Variants in CSNK1G3 observed in about 807,000 individuals in gnomAD.
The protein encoded by CSNK1G3 is casein kinase I isoform gamma-3.
CSNK1G3 carries 23 observed loss-of-function variants against 64.3 expected under a neutral mutation model. The ratio of observed to expected loss-of-function variants is 0.36; its 90% CI spans 0.26 to 0.51. The LOEUF (loss-of-function observed/expected upper bound fraction) is 0.51, where lower values mean the gene tolerates loss of function less well. Among genes scored for constraint, CSNK1G3 ranks in the 20% least tolerant of loss-of-function variants. The pLI is 0.96. For synonymous variants in CSNK1G3, 158 were observed against 162.2 expected, an observed-to-expected ratio of 0.97 and a Z score of 0.20; for missense variants, 357 against 510.5, an observed-to-expected ratio of 0.70 and a Z score of 2.90.
chr5:123,608,845 G>T (rs553872863), intron 12 of CSNK1G3, among the ~76,000 whole-genome samples: 2 of 152,268 alleles, frequency 1.3e-5, no homozygotes, highest in South Asian at 2.1e-4. Flanking sequence ...AGCAGCCAGG[G>T]TTAAGGATCA....
At position 123,577,528 on chromosome 5, in the gene CSNK1G3, T is replaced by C. The variant is rs538190885; in HGVS notation, c.673+1565T>C. On this transcript the variant is annotated intron_variant, in intron 6 of 12. Transcript: ENST00000345990. The stretch of plus-strand genomic sequence containing the variant: ...TATTTCCCTTTTCTATATTTGTAAT[T>C]CCATCCCTTTTCCATATTTGTATCT... 2.1e-4 allele frequency among the ~76,000 whole-genome samples: 32 copies of C among 149,438 alleles called. 1 individual carries two copies. The highest frequency in any genetic ancestry group is 3.1e-4 in the Non-Finnish European group (21 of 67,254).
chr5:123,535,855 C>G (rs1028178787), intron 1 of CSNK1G3, among the ~76,000 whole-genome samples: 2 of 152,092 alleles, frequency 1.3e-5, no homozygotes, highest in African/African-American at 4.8e-5. Context: ...CTTCTTTCTG[C>G]CTCTCTCTCC....
At chr5:123,553,108 G>T in exon 3 of CSNK1G3, 1 of 1,385,778 alleles carries the variant, frequency 7.2e-7, no homozygotes, top group Non-Finnish European at 9.7e-7. Flanking sequence ...TTTTTCAAGG[G>T]AAAAATTTAT....
chr5:123,518,891 C>T (rs897998148), intron 1 of CSNK1G3, among the ~76,000 whole-genome samples: 21 of 152,198 alleles, frequency 1.4e-4, no homozygotes, highest in Admixed American at 1.1e-3. Flanking sequence ...TCCCAAGTAG[C>T]TGGGATTACA....
At chr5:123,532,420 G>A (rs553884017) in intron 1 of CSNK1G3, among the ~76,000 whole-genome samples, 1 of 151,910 alleles carries the variant, frequency 6.6e-6, no homozygotes, top group South Asian at 2.1e-4. Context: ...TATTACTTAA[G>A]TTTTTAGGAT....
chr5:123,584,956 T>G (rs919233261), intron 6 of CSNK1G3, among the ~76,000 whole-genome samples: 6 of 152,194 alleles, frequency 3.9e-5, no homozygotes, highest in African/African-American at 1.4e-4. Context: ...TTGTGTTTCT[T>G]TCTTTTAGCC....
intron 2 of CSNK1G3, among the ~76,000 whole-genome samples, chr5:123,552,330 G>A (rs1401550042): frequency 6.6e-6 from 1 of 151,966 alleles, no homozygotes; most frequent in Admixed American, 6.6e-5. Flanking sequence ...ATTTTTAGTA[G>A]AGACAGGATT....
chr5:123,581,689 A>C (rs1790309310), intron 6 of CSNK1G3, among the ~76,000 whole-genome samples: 1 of 147,574 alleles, frequency 6.8e-6, no homozygotes, highest in African/African-American at 2.5e-5. Flanking sequence ...TTTCCTTTTT[A>C]GGTTTGTTTT....
intron 1 of CSNK1G3, among the ~76,000 whole-genome samples, chr5:123,531,138 A>T (rs923960798): frequency 1.3e-5 from 2 of 152,272 alleles, no homozygotes; most frequent in Middle Eastern, 6.8e-3. Flanking sequence ...GTGGGAAATC[A>T]ATTCTATGAC....
At chr5:123,561,706 A>G (rs1785761090) in intron 4 of CSNK1G3, among the ~76,000 whole-genome samples, 1 of 152,128 alleles carries the variant, frequency 6.6e-6, no homozygotes, top group Admixed American at 6.6e-5. Context: ...GAATATCCCT[A>G]CTGAAATCAG....
At chr5:123,534,322 A>G (rs1780452682) in intron 1 of CSNK1G3, among the ~76,000 whole-genome samples, 1 of 152,060 alleles carries the variant, frequency 6.6e-6, no homozygotes, top group African/African-American at 2.4e-5. Flanking sequence ...TTCTAGGACT[A>G]CTTTTGTTTA....
At chr5:123,594,087 T>A (rs1792960708) in intron 10 of CSNK1G3, among the ~76,000 whole-genome samples, 1 of 152,168 alleles carries the variant, frequency 6.6e-6, no homozygotes, top group Non-Finnish European at 1.5e-5. Flanking sequence ...GGTTAATGTC[T>A]CACTGTCTTC....
chr5:123,597,015 C>T (rs1032489687), intron 10 of CSNK1G3, among the ~76,000 whole-genome samples: 22 of 137,962 alleles, frequency 1.6e-4, no homozygotes, highest in African/African-American at 5.1e-4. Context: ...TAAATTAAAA[C>T]GTAATAAGAG....
intron 4 of CSNK1G3, among the ~76,000 whole-genome samples, chr5:123,572,061 A>T (rs1788224842): frequency 1.3e-5 from 2 of 152,200 alleles, no homozygotes; most frequent in Non-Finnish European, 1.5e-5. Context: ...CCTCAGTCTG[A>T]AGTTGGACAG....
intron 4 of CSNK1G3, among the ~76,000 whole-genome samples, chr5:123,563,712 A>C (rs1786247290): frequency 6.6e-6 from 1 of 152,094 alleles, no homozygotes; most frequent in Non-Finnish European, 1.5e-5. Context: ...TTACCAGATC[A>C]AGTTTCTCAG....
Position 123,590,406 on chromosome 5 carries a change from C to T in CSNK1G3, c.845-7C>T. 2 of 1,381,836 alleles carry T rather than the reference C, an allele frequency of 1.4e-6. No individual in the cohort carries two copies. Among genetic ancestry groups the T allele is most frequent in the Non-Finnish European group, 1.9e-6 (2 of 1,038,668 alleles). 85.6% of individuals were successfully genotyped at this position (1,381,836 alleles called of 1,614,324 possible). On this transcript the variant is annotated splice_region_variant and splice_polypyrimidine_tract_variant and intron_variant, in intron 8 of 12. Coordinates refer to ENST00000345990, the Ensembl canonical transcript of CSNK1G3. ...AGTCCAAATAATTTTTATATTATTTCTAGAAGAAATGGCAACATATCTTCG... is the reference window on the plus strand; with the variant it reads ...AGTCCAAATAATTTTTATATTATTTTTAGAAGAAATGGCAACATATCTTCG...
intron 1 of CSNK1G3, among the ~76,000 whole-genome samples, chr5:123,525,470 C>G (rs972620010): frequency 1.3e-5 from 2 of 151,914 alleles, no homozygotes; most frequent in African/African-American, 4.8e-5. Flanking sequence ...GCCACCACGC[C>G]CCGCTAGTTT....
intron 1 of CSNK1G3, among the ~76,000 whole-genome samples, chr5:123,542,921 G>T (rs1319754470): frequency 6.1e-5 from 8 of 130,328 alleles, no homozygotes; most frequent in East Asian, 2.2e-4. Context: ...GCTATTATTC[G>T]TTTTTTTTTT....
At chr5:123,598,512 A>G (rs1793855826) in intron 10 of CSNK1G3, among the ~76,000 whole-genome samples, 1 of 152,174 alleles carries the variant, frequency 6.6e-6, no homozygotes, top group African/African-American at 2.4e-5. Context: ...TGACATCTAA[A>G]CTGAGACGTA....
Sources: allele counts gnomAD v4.1 joint callset (sites outside exome capture counted in the v4.1 genomes callset), GRCh38; gene constraint gnomAD v4.1.1; transcripts MANE v1.5; gene names NCBI Gene and HGNC (gene_info 2026-07-23, HGNC 2026-07-21).